The following CSGALNACT1 variants were observed in gnomAD, a reference collection of about 807,000 sequenced individuals.
The protein encoded by CSGALNACT1 is chondroitin sulfate N-acetylgalactosaminyltransferase 1.
In CSGALNACT1, 52 loss-of-function variants were observed where a neutral mutation model predicts 51.0. The ratio of observed to expected loss-of-function variants is 1.02; its 90% confidence interval spans 0.82 to 1.29. CSGALNACT1 has a LOEUF of 1.29. Among genes scored for constraint, CSGALNACT1 ranks in the 50% most tolerant of loss-of-function variants. The probability of loss-of-function intolerance (pLI) is 0.00; values close to 1 mark genes in which losing one functional copy is unlikely to be tolerated. For missense variants in CSGALNACT1, 935 were observed against 679.2 expected (o/e 1.38, Z -4.19); for synonymous variants, 341 against 254.4 (o/e 1.34, Z -3.24).
At chr8:19,496,486 C>G (rs1168058875) in intron 4 of CSGALNACT1, among the ~76,000 whole-genome samples, 1 of 152,130 alleles carries the variant, frequency 6.6e-6, no homozygotes, top group Non-Finnish European at 1.5e-5. Context: ...TGTAAGTAGA[C>G]AAACTAATCA....
chr8:19,486,903 G>A (rs552807302), intron 4 of CSGALNACT1, among the ~76,000 whole-genome samples: 1 of 152,212 alleles, frequency 6.6e-6, no homozygotes, highest in East Asian at 1.9e-4. Flanking sequence ...CACAGTAGCT[G>A]CCCAACAACA....
At chr8:19,611,640 G>C (rs2052279256) in intron 1 of CSGALNACT1, among the ~76,000 whole-genome samples, 2 of 152,192 alleles carry the variant, frequency 1.3e-5, no homozygotes, top group African/African-American at 4.8e-5. Context: ...TCGAACTCTT[G>C]AAATTAAACT....
At chr8:19,730,080 G>A (rs543085832) in intron 1 of CSGALNACT1, among the ~76,000 whole-genome samples, 5 of 152,228 alleles carry the variant, frequency 3.3e-5, no homozygotes, top group Admixed American at 2.6e-4. Flanking sequence ...TACTGATAGC[G>A]CCCATGCAAT....
intron 6 of CSGALNACT1, among the ~76,000 whole-genome samples, chr8:19,425,896 T>A (rs2058703300): frequency 6.6e-6 from 1 of 152,082 alleles, no homozygotes; most frequent in Non-Finnish European, 1.5e-5. Flanking sequence ...ATGTCAAGAA[T>A]CACCGCCCCT....
chr8:19,665,432 G>A (rs930103477), intron 1 of CSGALNACT1, among the ~76,000 whole-genome samples: 15 of 151,524 alleles, frequency 9.9e-5, no homozygotes, highest in South Asian at 4.1e-4. Context: ...GATAACGTCC[G>A]GGGCCAAAAC....
chr8:19,435,545 C>A (rs543012660), intron 6 of CSGALNACT1, among the ~76,000 whole-genome samples: 12 of 151,612 alleles, frequency 7.9e-5, no homozygotes, highest in African/African-American at 2.9e-4. Context: ...TCTAAAGCAG[C>A]ATTTCTCACA....
At chr8:19,707,932 G>A (rs114092644) in intron 1 of CSGALNACT1, among the ~76,000 whole-genome samples, 262 of 152,226 alleles carry the variant, frequency 1.7e-3, no homozygotes, top group African/African-American at 6.1e-3. Flanking sequence ...ACCCAAGGAG[G>A]GGGAGGCAGA....
chr8:19,541,925 T>C (rs1348951959), intron 3 of CSGALNACT1, among the ~76,000 whole-genome samples: 8 of 152,152 alleles, frequency 5.3e-5, no homozygotes, highest in African/African-American at 1.9e-4. Flanking sequence ...GCAGTTCTTA[T>C]TTGAATCTCA....
At chr8:19,618,139 G>A (rs974285544) in intron 1 of CSGALNACT1, among the ~76,000 whole-genome samples, 2 of 151,576 alleles carry the variant, frequency 1.3e-5, no homozygotes, top group Non-Finnish European at 2.9e-5. Flanking sequence ...TCACCCCCCC[G>A]ACAAAGCACT....
intron 1 of CSGALNACT1, among the ~76,000 whole-genome samples, chr8:19,755,583 T>A (rs141898269): frequency 6.6e-6 from 1 of 151,544 alleles, no homozygotes; most frequent in African/African-American, 2.4e-5. Context: ...AGGAATACTA[T>A]TGGCATTTTA....
chr8:19,425,167 A>AC (rs982272638), intron 6 of CSGALNACT1, among the ~76,000 whole-genome samples: 1 of 152,076 alleles, frequency 6.6e-6, no homozygotes, highest in Non-Finnish European at 1.5e-5. Context: ...ACATGGTGAA[A>AC]CCCCATTTCT....
At chr8:19,616,181 T>C (rs2052980336) in intron 1 of CSGALNACT1, among the ~76,000 whole-genome samples, 1 of 152,222 alleles carries the variant, frequency 6.6e-6, no homozygotes, top group Non-Finnish European at 1.5e-5. Flanking sequence ...TAAATATTCA[T>C]ATGAGATATT....
chr8:19,534,246 G>T (rs569038431), intron 3 of CSGALNACT1, among the ~76,000 whole-genome samples: 1 of 152,138 alleles, frequency 6.6e-6, no homozygotes, highest in African/African-American at 2.4e-5. Context: ...CAGGTCAGGA[G>T]TTCGAGACTA....
chr8:19,478,361 C>A (rs959358484), intron 4 of CSGALNACT1, among the ~76,000 whole-genome samples: 12 of 142,882 alleles, frequency 8.4e-5, no homozygotes, highest in African/African-American at 2.6e-4. Flanking sequence ...TTGCAGTGAG[C>A]CGAGATCGCA....
At chr8:19,646,052 C>G (rs965339869) in intron 1 of CSGALNACT1, among the ~76,000 whole-genome samples, 13 of 152,062 alleles carry the variant, frequency 8.5e-5, no homozygotes, top group African/African-American at 2.9e-4. Flanking sequence ...AGTGAGAAAT[C>G]AACACATCTA....
chr8:19,674,953 C>A (rs10107740), intron 1 of CSGALNACT1, among the ~76,000 whole-genome samples: 134,769 of 152,216 alleles, frequency 0.89, 60,049 homozygotes, highest in African/African-American at 0.97. Context: ...ATCTTGAAGT[C>A]GGGGAAGACC....
intron 1 of CSGALNACT1, among the ~76,000 whole-genome samples, chr8:19,660,233 A>T (rs2058643209): frequency 6.6e-6 from 1 of 152,210 alleles, no homozygotes; most frequent in Non-Finnish European, 1.5e-5. Flanking sequence ...AAATTCAATA[A>T]ATGTCTGCCT....
intron 3 of CSGALNACT1, among the ~76,000 whole-genome samples, chr8:19,589,733 G>A (rs955108950): frequency 3.3e-5 from 5 of 152,192 alleles, no homozygotes; most frequent in Non-Finnish European, 5.9e-5. Context: ...GAGCTAATTT[G>A]ATTGTAGCTT....
At chr8:19,496,619 CTT>C (rs1445365426) in intron 4 of CSGALNACT1, among the ~76,000 whole-genome samples, 1 of 152,182 alleles carries the variant, frequency 6.6e-6, no homozygotes, top group Non-Finnish European at 1.5e-5. Flanking sequence ...GAATCCAAGA[CTT>C]TTTTGGAACT....
Sources: gnomAD v4.1 joint callset for allele counts (sites outside exome capture counted in the v4.1 genomes callset) on GRCh38, gnomAD v4.1.1 for gene constraint, MANE v1.5 for transcripts, NCBI Gene and HGNC (gene_info 2026-07-23, HGNC 2026-07-21) for gene names.